GC: variants seen among roughly 807,000 people sequenced by gnomAD.
GC encodes the protein vitamin D-binding protein.
GC carries 43 observed loss-of-function variants against 56.7 expected under a neutral mutation model. That is an observed-to-expected ratio of 0.76 (90% CI 0.59 to 0.98). GC has a LOEUF of 0.98. Ranked by LOEUF, GC falls within the 50% of genes least tolerant of loss-of-function variation. GC has a pLI of 0.00. For missense variants in GC, 529 were observed against 545.9 expected, an observed-to-expected ratio of 0.97 and a Z score of 0.31; for synonymous variants, 216 against 202.7, an observed-to-expected ratio of 1.07 and a Z score of -0.56.
At chr4:71,758,232 A>G (rs1042721874) in intron 6 of GC, 61 bp from the exon 7 acceptor site, 9 of 1,431,460 alleles carry the variant, frequency 6.3e-6, no homozygotes, top group African/African-American at 5.6e-5. Context: ...TGGTTTCGTG[A>G]TGAACGCACT....
At chr4:71,751,406 G>A (rs1741550322) in intron 11 of GC, among the ~76,000 whole-genome samples, 1 of 152,142 alleles carries the variant, frequency 6.6e-6, no homozygotes, top group Non-Finnish European at 1.5e-5. Flanking sequence ...TAACACTGTG[G>A]TTTATAGGAG....
upstream of GC, chr4:71,784,298 T>G (rs752771487): frequency 3.2e-4 from 365 of 1,130,888 alleles, 1 homozygote; most frequent in Middle Eastern, 3.8e-4. Flanking sequence ...TTTGTCAAAC[T>G]GCAAAAGAGC....
At chr4:71,766,023 C>G (rs1222586305) in intron 3 of GC, among the ~76,000 whole-genome samples, 2 of 152,110 alleles carry the variant, frequency 1.3e-5, no homozygotes, top group Admixed American at 1.3e-4. Context: ...GTCATTATCT[C>G]CCATCTGCTT....
intron 1 of GC, among the ~76,000 whole-genome samples, chr4:71,803,039 A>C (rs76902164): frequency 1.3e-4 from 20 of 152,324 alleles, no homozygotes; most frequent in African/African-American, 4.1e-4. Flanking sequence ...TGAGATAGAA[A>C]GAAAGGGATC....
At chr4:71,775,994 T>C (rs1742496486) in intron 1 of GC, among the ~76,000 whole-genome samples, 1 of 151,826 alleles carries the variant, frequency 6.6e-6, no homozygotes. Context: ...GCCAGAAAGA[T>C]TGAAAGATAA....
intron 11 of GC, among the ~76,000 whole-genome samples, chr4:71,750,624 CCTGTAAT>C (rs1420369270): frequency 2.0e-5 from 3 of 152,152 alleles, no homozygotes; most frequent in African/African-American, 4.8e-5. Context: ...GTGGCTCACA[CCTGTAAT>C]CTCAGCACTT....
intron 1 of GC, among the ~76,000 whole-genome samples, chr4:71,790,213 G>A (rs1742935074): frequency 6.6e-6 from 1 of 151,890 alleles, no homozygotes; most frequent in Non-Finnish European, 1.5e-5. Flanking sequence ...GCCATTAAAA[G>A]TCATGTTCTT....
chr4:71,776,205 T>A (rs1025322683), intron 1 of GC, among the ~76,000 whole-genome samples: 1 of 151,870 alleles, frequency 6.6e-6, no homozygotes, highest in Non-Finnish European at 1.5e-5. Flanking sequence ...TGCCCTCCCA[T>A]GTTTACTGTA....
intron 1 of GC, among the ~76,000 whole-genome samples, chr4:71,796,946 G>T (rs1743121445): frequency 6.6e-6 from 1 of 152,214 alleles, no homozygotes; most frequent in Non-Finnish European, 1.5e-5. Context: ...GTCTGTCGGA[G>T]TTTGCTAAAG....
intron 5 of GC, 60 bp downstream of exon 5, chr4:71,763,744 T>C: frequency 7.1e-7 from 1 of 1,415,554 alleles, no homozygotes; most frequent in Non-Finnish European, 9.7e-7. Context: ...TACCATTATC[T>C]AAAAGGAATG....
rs192642485 is a variant in GC, at chr4:71,750,809, C to A, written c.1395+1709G>T. Among the ~76,000 whole-genome samples the A allele has an allele frequency of 2.0e-5, 3 of 152,180 alleles. No individual in the cohort carries two copies. In the East Asian group the frequency reaches 5.8e-4, roughly 29 times the overall value. ...CTGAGGCAGGAGAATCACTTGATCC[C>A]AGGAGGTGAAGTTTTCAGTGAGCCA... is the stretch of plus-strand genomic sequence containing the variant. On this transcript the variant is annotated intron_variant, in intron 11 of 12. Transcript: ENST00000273951.
At chr4:71,752,719 A>G (rs1741598198) in intron 10 of GC, 69 bp from the exon 11 acceptor site, 1 of 1,294,004 alleles carries the variant, frequency 7.7e-7, no homozygotes, top group Non-Finnish European at 1.1e-6. Flanking sequence ...AATGCAAAAT[A>G]ATAGCCATTT....
chr4:71,745,604 C>T (rs1289053558), intron 12 of GC, among the ~76,000 whole-genome samples: 3 of 152,060 alleles, frequency 2.0e-5, no homozygotes, highest in Non-Finnish European at 4.4e-5. Flanking sequence ...GTGCAGAGTT[C>T]GGCGGGGGTG....
At chr4:71,759,706 A>G (rs1017571268) in intron 6 of GC, 3 of 146,254 alleles carry the variant, frequency 2.1e-5, no homozygotes, top group Non-Finnish European at 4.4e-5. Flanking sequence ...ATAATTGTTT[A>G]TTCAAGTCTT....
intron 1 of GC, chr4:71,803,813 A>G: frequency 2.9e-6 from 2 of 699,948 alleles, no homozygotes; most frequent in South Asian, 1.6e-5. Flanking sequence ...TTTGCTTTGC[A>G]CAGAAATCCT....
At chr4:71,747,769 TA>T (rs2149293065) in intron 11 of GC, among the ~76,000 whole-genome samples, 1 of 152,200 alleles carries the variant, frequency 6.6e-6, no homozygotes, top group South Asian at 2.1e-4. Context: ...GTGCCTTATT[TA>T]TTATTTTTTG....
At chr4:71,770,757 C>T (rs1742318116) in intron 1 of GC, among the ~76,000 whole-genome samples, 1 of 152,112 alleles carries the variant, frequency 6.6e-6, no homozygotes, top group Non-Finnish European at 1.5e-5. Flanking sequence ...TGAAACAGGC[C>T]TGAATGGGGT....
upstream of GC, among the ~76,000 whole-genome samples, chr4:71,787,494 T>C (rs113613297): frequency 1.7e-4 from 26 of 152,050 alleles, 2 homozygotes; most frequent in African/African-American, 6.3e-4. Context: ...CCAAGTAACA[T>C]GCAAGCTATT....
At chr4:71,791,695 C>T (rs1307151569) in intron 1 of GC, among the ~76,000 whole-genome samples, 1 of 150,392 alleles carries the variant, frequency 6.6e-6, no homozygotes, top group Non-Finnish European at 1.5e-5. Context: ...ACCTTCAGTT[C>T]TAGGGTACAT....
Sources: allele counts gnomAD v4.1 joint callset (sites outside exome capture counted in the v4.1 genomes callset), GRCh38; gene constraint gnomAD v4.1.1; transcripts MANE v1.5; gene names NCBI Gene and HGNC (gene_info 2026-07-23, HGNC 2026-07-21).